EPHA3: variants seen among roughly 807,000 people sequenced by gnomAD.
The protein encoded by EPHA3 is EPH receptor A3.
EPHA3 carries 42 observed loss-of-function variants against 107.1 expected under a neutral mutation model. That is an observed-to-expected ratio of 0.39 (90% CI 0.31 to 0.51). The LOEUF is 0.51. EPHA3 is among the 20% of genes least tolerant of loss of function. EPHA3 has a pLI of 0.78. For missense variants in EPHA3, 1,183 were observed against 1,211.2 expected (o/e 0.98, Z 0.35); for synonymous variants, 461 against 424.8 (o/e 1.09, Z -1.05).
intron 2 of EPHA3, among the ~76,000 whole-genome samples, chr3:89,162,723 C>A (rs1176727569): frequency 6.6e-6 from 1 of 152,192 alleles, no homozygotes; most frequent in Non-Finnish European, 1.5e-5. Context: ...CCCAACCCTG[C>A]ATGCTGGAAC....
intron 13 of EPHA3, among the ~76,000 whole-genome samples, chr3:89,447,172 G>A (rs574556284): frequency 1.3e-5 from 2 of 152,106 alleles, no homozygotes; most frequent in Admixed American, 6.6e-5. Flanking sequence ...TTTAGTGCAC[G>A]TTGCACACTG....
At chr3:89,213,183 A>G (rs1704146099) in intron 3 of EPHA3, among the ~76,000 whole-genome samples, 1 of 152,106 alleles carries the variant, frequency 6.6e-6, no homozygotes, top group East Asian at 1.9e-4. Flanking sequence ...GGTGCTCATG[A>G]GTGTGAATGA....
intron 13 of EPHA3, among the ~76,000 whole-genome samples, chr3:89,445,841 A>G (rs1343560263): frequency 6.6e-6 from 1 of 152,202 alleles, no homozygotes; most frequent in Non-Finnish European, 1.5e-5. Context: ...TGGCCAAGAT[A>G]CTTTTCCAAG....
At chr3:89,429,210 T>C in intron 12 of EPHA3, 43 bp downstream of exon 12, 1 of 1,488,262 alleles carries the variant, frequency 6.7e-7, no homozygotes, top group Non-Finnish European at 9.3e-7. Context: ...AATAAATTGC[T>C]GAAAACATTA....
intron 5 of EPHA3, among the ~76,000 whole-genome samples, chr3:89,368,183 G>T (rs1415738954): frequency 6.6e-6 from 1 of 150,442 alleles, no homozygotes; most frequent in Non-Finnish European, 1.5e-5. Flanking sequence ...AGTTGTGGAG[G>T]TATGGGGTTT....
intron 2 of EPHA3, among the ~76,000 whole-genome samples, chr3:89,131,805 C>A (rs1704213149): frequency 6.6e-6 from 1 of 152,150 alleles, no homozygotes; most frequent in Non-Finnish European, 1.5e-5. Flanking sequence ...TAGCGGTGAA[C>A]ATGCACTTAA....
At chr3:89,256,044 G>T (rs1177634178) in intron 3 of EPHA3, among the ~76,000 whole-genome samples, 1 of 152,046 alleles carries the variant, frequency 6.6e-6, no homozygotes, top group Non-Finnish European at 1.5e-5. Flanking sequence ...TGTCCAAGGA[G>T]TTCAAGACCA....
At chr3:89,267,486 T>C (rs894651863) in intron 3 of EPHA3, among the ~76,000 whole-genome samples, 1 of 152,096 alleles carries the variant, frequency 6.6e-6, no homozygotes. Context: ...GGCTTAGGCA[T>C]CTACTGACTG....
At chr3:89,316,506 A>AGTG (rs1559644323) in intron 3 of EPHA3, among the ~76,000 whole-genome samples, 2 of 14,744 alleles carry the variant, frequency 1.4e-4, no homozygotes, top group African/African-American at 2.7e-4. Context: ...TGTGTGTGTA[A>AGTG]TATATATATA....
At chr3:89,161,063 C>T (rs1273747665) in intron 2 of EPHA3, among the ~76,000 whole-genome samples, 2 of 152,114 alleles carry the variant, frequency 1.3e-5, no homozygotes, top group Non-Finnish European at 2.9e-5. Context: ...GTGATGATCT[C>T]ATCTCACATC....
chr3:89,209,620 G>C (rs1202046791), intron 2 of EPHA3, among the ~76,000 whole-genome samples: 2 of 152,066 alleles, frequency 1.3e-5, no homozygotes, highest in Non-Finnish European at 2.9e-5. Context: ...TCTATTAACT[G>C]CTAAGTGTCT....
chr3:89,402,744 G>C (rs1168693131), intron 7 of EPHA3, among the ~76,000 whole-genome samples: 1 of 151,970 alleles, frequency 6.6e-6, no homozygotes, highest in East Asian at 1.9e-4. Flanking sequence ...CGCCCAGGTG[G>C]GAATGCAGTG....
chr3:89,440,453 T>C (rs1414685231), intron 13 of EPHA3, among the ~76,000 whole-genome samples: 2 of 152,208 alleles, frequency 1.3e-5, no homozygotes, highest in African/African-American at 2.4e-5. Flanking sequence ...TTGGCAGCTA[T>C]GTGATATTAT....
At chr3:89,353,641 A>G (rs1707881913) in intron 5 of EPHA3, among the ~76,000 whole-genome samples, 1 of 151,356 alleles carries the variant, frequency 6.6e-6, no homozygotes, top group African/African-American at 2.4e-5. Context: ...TAGTGTGGCC[A>G]AGCCTTCCAC....
At chr3:89,231,612 G>T (rs1704636601) in intron 3 of EPHA3, among the ~76,000 whole-genome samples, 1 of 152,110 alleles carries the variant, frequency 6.6e-6, no homozygotes, top group Admixed American at 6.5e-5. Context: ...CCCGTTAGAA[G>T]TGCAGTCCTT....
chr3:89,413,239 A>C lies in EPHA3; in HGVS notation c.1861A>C (p.Ile621Leu), dbSNP rs1414714315. 5 of 1,611,712 alleles carry C rather than the reference A, an allele frequency of 3.1e-6. No homozygotes were observed. The highest frequency in any genetic ancestry group is 1.1e-5 in the South Asian group (1 of 91,044). The change falls in exon 10 of 17, where the codon ATA becomes CTA. Residue 621 changes from isoleucine to leucine, a missense_variant. Coordinates refer to ENST00000336596, the MANE Select transcript of EPHA3 (RefSeq NM_005233.6). ...TGCCAAGGAATTGGATGCCACCAAC[A>C]TATCCATTGATAAAGTTGTTGGAGC... ...EFAKELDATNISIDKVVGAGE... is the reference protein window; with the variant it reads ...EFAKELDATNLSIDKVVGAGE...
chr3:89,269,361 A>C (rs190166984), intron 3 of EPHA3, among the ~76,000 whole-genome samples: 1 of 152,128 alleles, frequency 6.6e-6, no homozygotes, highest in Non-Finnish European at 1.5e-5. Context: ...AGAATATATT[A>C]AAAATGCAAA....
At chr3:89,388,217 G>C (rs971755347) in intron 5 of EPHA3, among the ~76,000 whole-genome samples, 1 of 152,020 alleles carries the variant, frequency 6.6e-6, no homozygotes, top group African/African-American at 2.4e-5. Context: ...AGAGGAACCA[G>C]CCAGAAAATA....
chr3:89,271,265 A>G (rs1441078267), intron 3 of EPHA3, among the ~76,000 whole-genome samples: 1 of 152,040 alleles, frequency 6.6e-6, no homozygotes, highest in Non-Finnish European at 1.5e-5. Context: ...AGAAAAGCCG[A>G]AAAAAAGAAA....
Sources: allele counts gnomAD v4.1 joint callset (sites outside exome capture counted in the v4.1 genomes callset), GRCh38; gene constraint gnomAD v4.1.1; transcripts MANE v1.5; gene names NCBI Gene and HGNC (gene_info 2026-07-23, HGNC 2026-07-21).